The following MICAL2 variants were observed in gnomAD, a reference collection of about 807,000 sequenced individuals.
The protein encoded by MICAL2 is [F-actin]-monooxygenase MICAL2.
A neutral mutation model predicts 127.3 loss-of-function variants in MICAL2; 77 were observed. The ratio of observed to expected loss-of-function variants is 0.60; its 90% CI spans 0.50 to 0.73. MICAL2 has a LOEUF of 0.73. Ranked by LOEUF, MICAL2 falls within the 30% of genes least tolerant of loss-of-function variation. The pLI, the probability that MICAL2 is intolerant of heterozygous loss-of-function variation, is 0.00. For synonymous variants in MICAL2, 570 were observed against 551.1 expected, an observed-to-expected ratio of 1.03 and a Z score of -0.48; for missense variants, 1,351 against 1,434.4, an observed-to-expected ratio of 0.94 and a Z score of 0.94.
intron 21 of MICAL2, among the ~76,000 whole-genome samples, chr11:12,245,760 A>T (rs1165460587): frequency 6.6e-6 from 1 of 152,248 alleles, no homozygotes; most frequent in Non-Finnish European, 1.5e-5. Flanking sequence ...GGGTGGAGAC[A>T]GGCATTTTTG....
At chr11:12,219,531 A>C (rs1856572781) in intron 8 of MICAL2, among the ~76,000 whole-genome samples, 1 of 75,448 alleles carries the variant, frequency 1.3e-5, no homozygotes. Flanking sequence ...TCCATCTCAA[A>C]AAAAAAAAAA....
chr11:12,157,518 A>G (rs1398626675), intron 2 of MICAL2, among the ~76,000 whole-genome samples: 1 of 152,206 alleles, frequency 6.6e-6, no homozygotes, highest in East Asian at 1.9e-4. Context: ...AAATTGCTTC[A>G]AGGCTATTCT....
chr11:12,247,832 G>C (rs1272500120), intron 21 of MICAL2, among the ~76,000 whole-genome samples: 1 of 152,210 alleles, frequency 6.6e-6, no homozygotes, highest in Admixed American at 6.5e-5. Context: ...TTCTCTCCTA[G>C]AGTCTGGGGC....
At chr11:12,326,406 A>G (rs2134851566) in intron 31 of MICAL2, among the ~76,000 whole-genome samples, 1 of 152,368 alleles carries the variant, frequency 6.6e-6, no homozygotes, top group East Asian at 1.9e-4. Flanking sequence ...TATACACAAG[A>G]GATTAATAGT....
intron 2 of MICAL2, among the ~76,000 whole-genome samples, chr11:12,141,754 A>G (rs1163916048): frequency 6.6e-6 from 1 of 152,210 alleles, no homozygotes; most frequent in Non-Finnish European, 1.5e-5. Flanking sequence ...TCTTAAGAAT[A>G]TGGCCCCAAG....
intron 32 of MICAL2, among the ~76,000 whole-genome samples, chr11:12,337,581 T>G (rs1376509761): frequency 2.8e-4 from 42 of 152,024 alleles, no homozygotes; most frequent in Middle Eastern, 3.4e-3. Flanking sequence ...GCTTTCTCTT[T>G]TGGGCATTTA....
chr11:12,281,781 A>G (rs1209505619), intron 2 of MICAL2, among the ~76,000 whole-genome samples: 1 of 152,204 alleles, frequency 6.6e-6, no homozygotes, highest in African/African-American at 2.4e-5. Context: ...TCCAGCCACC[A>G]CTGCCCAAGC....
chr11:12,197,400 T>A (rs1860077094), intron 3 of MICAL2: 1 of 152,262 alleles, frequency 6.6e-6, no homozygotes, highest in African/African-American at 2.4e-5. Context: ...GCACACTTCA[T>A]GTACATTATA....
intron 18 of MICAL2, 61 bp from the exon 19 acceptor site, chr11:12,242,153 T>C (rs1590584922): frequency 5.1e-6 from 7 of 1,359,964 alleles, no homozygotes; most frequent in East Asian, 5.0e-5. Flanking sequence ...GGATCCCTCA[T>C]GGTGAGGGTG....
intron 2 of MICAL2, among the ~76,000 whole-genome samples, chr11:12,156,675 T>C (rs1021018764): frequency 6.6e-6 from 1 of 152,298 alleles, no homozygotes; most frequent in East Asian, 1.9e-4. Context: ...GGTGGGAAGA[T>C]GGGGTCTGTA....
chr11:12,195,841 G>C (rs1351400598), intron 3 of MICAL2: 1 of 152,054 alleles, frequency 6.6e-6, no homozygotes, highest in East Asian at 1.9e-4. Flanking sequence ...GTGAGAGGAG[G>C]GGGTGGTGGG....
intron 2 of MICAL2, among the ~76,000 whole-genome samples, chr11:12,160,099 C>T (rs80163847): frequency 6.6e-6 from 1 of 152,150 alleles, no homozygotes; most frequent in Non-Finnish European, 1.5e-5. Context: ...GTGCCAGGCA[C>T]CTCGGAAGCT....
intron 32 of MICAL2, among the ~76,000 whole-genome samples, chr11:12,342,933 G>A (rs2055105): frequency 1.3e-5 from 2 of 151,600 alleles, no homozygotes; most frequent in African/African-American, 4.8e-5. Context: ...AGGGGGCAGG[G>A]AGCTGATGGA....
At position 12,239,425 on chromosome 11, in the gene MICAL2, A is replaced by C. The variant is rs886448453; in HGVS notation, c.2065-11A>C. On this transcript the variant is annotated splice_polypyrimidine_tract_variant and intron_variant, in intron 16 of 27. Transcript: ENST00000683283. The stretch of plus-strand genomic sequence containing the variant: ...GATCCAACCATCAGTGTCCCGTTTC[A>C]ACCTTTGCAGCCTTCAAACTTTTCC... 4 of 1,613,896 alleles carry C rather than the reference A, an allele frequency of 2.5e-6. No homozygotes were observed. In the East Asian group the frequency reaches 8.9e-5, roughly 36 times the overall value.
chr11:12,143,559 C>T (rs1852565530), intron 2 of MICAL2, among the ~76,000 whole-genome samples: 1 of 152,166 alleles, frequency 6.6e-6, no homozygotes, highest in Admixed American at 6.6e-5. Context: ...TTTTGTGTCT[C>T]ACACACCAAT....
chr11:12,238,064 G>T (rs749566825), intron 16 of MICAL2, among the ~76,000 whole-genome samples: 6 of 152,092 alleles, frequency 3.9e-5, no homozygotes, highest in Non-Finnish European at 8.8e-5. Flanking sequence ...TACATACAAG[G>T]TTCCCCATAG....
intron 29 of MICAL2, among the ~76,000 whole-genome samples, chr11:12,299,080 G>C (rs994733970): frequency 1.1e-4 from 16 of 152,164 alleles, no homozygotes; most frequent in African/African-American, 3.1e-4. Context: ...ATATTCATCA[G>C]AAAATAGTAT....
chr11:12,358,056 G>A (rs1939155417), intron 34 of MICAL2, among the ~76,000 whole-genome samples: 2 of 152,106 alleles, frequency 1.3e-5, no homozygotes, highest in Admixed American at 6.5e-5. Flanking sequence ...TCTTACAAAG[G>A]GGTTTTCCCT....
In MICAL2 at chr11:12,213,177, C is replaced by T. The variant is rs1463903509; in HGVS notation, c.692-78C>T. ...CACTGGCCTGGGAGGCATCTGGGAA[C>T]AGCTCTCCCAATAATCATTTTCAGT... On this transcript the variant is annotated intron_variant, in intron 6 of 27. Coordinates refer to ENST00000683283, the MANE Select transcript of MICAL2 (RefSeq NM_001282663.2). 3.4e-6 allele frequency: 5 copies of T among 1,467,870 alleles called. No homozygotes were observed. The Admixed American group carries it at 8.2e-5, about 24-fold the overall frequency. The allele number at this position is 1,467,870 out of a possible 1,614,324, so 90.9% of individuals were successfully genotyped here.
Sources: allele counts gnomAD v4.1 joint callset (sites outside exome capture counted in the v4.1 genomes callset), GRCh38; gene constraint gnomAD v4.1.1; transcripts MANE v1.5; gene names NCBI Gene and HGNC (gene_info 2026-07-23, HGNC 2026-07-21).